Variants in DZIP1 observed in about 807,000 individuals in gnomAD.
The protein encoded by DZIP1 is cilium assembly protein DZIP1.
DZIP1 carries 97 observed loss-of-function variants against 107.6 expected under a neutral mutation model. The ratio of observed to expected loss-of-function variants is 0.90; its 90% CI spans 0.77 to 1.07. DZIP1 has a LOEUF of 1.07. Ranked by LOEUF, DZIP1 falls within the 50% of genes least tolerant of loss-of-function variation. DZIP1 has a pLI of 0.00. For missense variants in DZIP1, 1,035 were observed against 1,063.6 expected (o/e 0.97, Z 0.37); for synonymous variants, 390 against 386.4 (o/e 1.01, Z -0.11).
rs761002263 is a variant in DZIP1, at chr13:95,629,966, T to A, written c.810+23A>T. 19 of 1,576,194 alleles carry A rather than the reference T, an allele frequency of 1.2e-5. No homozygotes were observed. In the East Asian group the frequency reaches 4.3e-4, roughly 36 times the overall value. On this transcript the variant is annotated intron_variant, in intron 7 of 22. Coordinates refer to ENST00000376829, the MANE Select transcript of DZIP1 (RefSeq NM_198968.4). ...TACATACAGTTAATTGTAATTAAAA[T>A]ACCACAGAATTCTGCCTGGTACCTT...
chr13:95,633,165 C>G, intron 6 of DZIP1, 69 bp downstream of exon 6: 1 of 1,407,864 alleles, frequency 7.1e-7, no homozygotes, highest in Non-Finnish European at 1.0e-6. Flanking sequence ...ATGCACTGGA[C>G]CAAGTCTCAT....
chr13:95,588,933 T>G (rs969807286), intron 19 of DZIP1, among the ~76,000 whole-genome samples: 1 of 152,226 alleles, frequency 6.6e-6, no homozygotes, highest in African/African-American at 2.4e-5. Flanking sequence ...GTGTCTTGCT[T>G]CTTAATGGAG....
Position 95,593,877 on chromosome 13 carries a change from A to T in DZIP1, c.1680+67T>A, listed in dbSNP as rs1278392633. 9 of 1,535,698 alleles carry T rather than the reference A, an allele frequency of 5.9e-6. No homozygotes were observed. In the East Asian group the frequency reaches 2.1e-4, roughly 35 times the overall value. On this transcript the variant is annotated intron_variant, in intron 16 of 22. Transcript: ENST00000376829. ...TTGATGTGCTTTCTTCTCTTCCATG[A>T]TCATTTCTAATTTAGAAAACAAAAC...
intron 15 of DZIP1, among the ~76,000 whole-genome samples, chr13:95,595,981 TC>T (rs1273393690): frequency 2.0e-5 from 3 of 152,088 alleles, no homozygotes; most frequent in African/African-American, 7.2e-5. Context: ...ATGACTGAGT[TC>T]CCCAAACTAC....
intron 13 of DZIP1, among the ~76,000 whole-genome samples, chr13:95,607,985 T>C (rs186203130): frequency 6.6e-6 from 1 of 152,350 alleles, no homozygotes; most frequent in African/African-American, 2.4e-5. Context: ...ACTTTCACCT[T>C]GTGATTTACT....
intron 14 of DZIP1, among the ~76,000 whole-genome samples, chr13:95,600,542 T>G (rs1206044305): frequency 2.6e-5 from 4 of 151,416 alleles, no homozygotes; most frequent in Non-Finnish European, 4.4e-5. Context: ...CTATTTCAGA[T>G]AGACAAATGA....
At chr13:95,602,009 T>C (rs1039659351) in intron 14 of DZIP1, among the ~76,000 whole-genome samples, 2 of 152,098 alleles carry the variant, frequency 1.3e-5, no homozygotes, top group African/African-American at 4.8e-5. Flanking sequence ...TGGGGAGCTT[T>C]GGAGACGCTC....
At chr13:95,602,488 G>A (rs758881338) in intron 14 of DZIP1, among the ~76,000 whole-genome samples, 104 of 152,124 alleles carry the variant, frequency 6.8e-4, no homozygotes, top group Middle Eastern at 3.2e-3. Flanking sequence ...GACAGGCTTC[G>A]TTTCTGATTC....
At chr13:95,621,760 C>T (rs1266182734) in intron 9 of DZIP1, among the ~76,000 whole-genome samples, 3 of 149,230 alleles carry the variant, frequency 2.0e-5, no homozygotes, top group Non-Finnish European at 4.4e-5. Context: ...TCTTGTTGCC[C>T]AGACTGGAGT....
At position 95,589,823 on chromosome 13, in the gene DZIP1, A is replaced by T. The variant is rs1465952714; in HGVS notation, c.1953T>A (p.Thr651=). ...RQLIRQKAVS[T]DRTSVPKIKK... is the part of the protein sequence containing the mutation. ...CTCACTTTGGAACAGATGTCCTATC[A>T]GTAGAAACAGCTTTTTGTCTAATCA... The change falls in exon 18 of 23, where the codon ACT becomes ACA. Residue 651 remains threonine (T), a synonymous_variant. Transcript: ENST00000376829. 30 of 1,613,906 alleles carry T rather than the reference A, an allele frequency of 1.9e-5. 1 individual carries two copies. In the Admixed American group the frequency reaches 4.8e-4, roughly 26 times the overall value.
rs992776771 is a variant in DZIP1 at position 95,581,493 on chromosome 13, T to C, written c.*741A>G. On this transcript the variant is annotated 3_prime_UTR_variant, in exon 23 of 23. Transcript: ENST00000376829. ...TATAAAATAACCAACCATTTAATAG[T>C]AACATGCTTACAGTGGCTCAAAGCT... The C allele has an allele frequency of 1.3e-5, 2 of 152,250 alleles. No individual in the cohort carries two copies. Among genetic ancestry groups the C allele is most frequent in the African/African-American group, 4.8e-5 (2 of 41,416 alleles). The allele number at this position is 152,250 out of a possible 1,614,324, so 9.4% of individuals were successfully genotyped here. A position where few individuals can be genotyped will look rare whatever the true frequency, so the allele number is the denominator to read the frequency against.
chr13:95,614,449 G>A (rs563106264), intron 10 of DZIP1, among the ~76,000 whole-genome samples: 6 of 152,202 alleles, frequency 3.9e-5, no homozygotes, highest in South Asian at 2.1e-4. Flanking sequence ...TTAGGATCTC[G>A]GCCTTGATCA....
intron 13 of DZIP1, among the ~76,000 whole-genome samples, chr13:95,608,017 T>C (rs1199760225): frequency 6.6e-6 from 1 of 152,264 alleles, no homozygotes; most frequent in Admixed American, 6.5e-5. Context: ...AACTTTAGAA[T>C]GTATGTTTTC....
intron 15 of DZIP1, among the ~76,000 whole-genome samples, chr13:95,598,678 AATT>A (rs1208309105): frequency 2.0e-5 from 3 of 152,124 alleles, no homozygotes; most frequent in African/African-American, 7.2e-5. Flanking sequence ...AATAGGAAAA[AATT>A]ATGATAGATT....
rs143079896 is a variant in DZIP1 at position 95,640,955 on chromosome 13, C to T, written c.597+340G>A. ...AGACCCTACAAATTTAAACATTCTG[C>T]ATCGTTTGGGGACTGGCTTCAACAG... On this transcript the variant is annotated intron_variant, in intron 5 of 22. Transcript: ENST00000376829. Among the ~76,000 whole-genome samples the T allele has an allele frequency of 2.2e-3, 336 of 152,258 alleles. 5 individuals are homozygous for T. The highest frequency in any genetic ancestry group is 0.01 in the Middle Eastern group (3 of 294).
rs369956524 is a variant in DZIP1, at chr13:95,590,267, T to C, written c.1843+12A>G. On this transcript the variant is annotated intron_variant, in intron 17 of 22. Coordinates refer to ENST00000376829, the MANE Select transcript of DZIP1 (RefSeq NM_198968.4). Reference sequence around the variant, plus strand: ...AAATTAAGCTCCCATTTGCAGTGGGTAACAAGCTTACCTGAAGAGAGTAGT... The same window carrying C: ...AAATTAAGCTCCCATTTGCAGTGGGCAACAAGCTTACCTGAAGAGAGTAGT... 6.3e-7 allele frequency: 1 copy of C among 1,591,422 alleles called. No individual in the cohort carries two copies.
At chr13:95,595,017 CT>C (rs1248906912) in intron 15 of DZIP1, among the ~76,000 whole-genome samples, 1 of 152,214 alleles carries the variant, frequency 6.6e-6, no homozygotes, top group Non-Finnish European at 1.5e-5. Context: ...CCCTTACTGA[CT>C]GTCAAAAGCC....
Position 95,621,665 on chromosome 13 carries a change from AGTGTGTGTGTGTGTGTGTGTGTGT to A in DZIP1, c.1110+654_1110+677del, listed in dbSNP as rs3051402. On this transcript the variant is annotated intron_variant, in intron 9 of 22. Transcript: ENST00000376829. ...ACAGATCATCAGCTGACCAGTTAGC[AGTGTGTGTGTGTGTGTGTGTGTGT>A]GTGTGTGTGTGTGTGTGTGTGTGTG... 1.6e-4 allele frequency among the ~76,000 whole-genome samples: 20 copies of A among 123,418 alleles called. No individual in the cohort carries two copies. The South Asian group carries it at 2.0e-3, about 12-fold the overall frequency. The allele number at this position is 123,418 out of a possible 152,430, so 81.0% of individuals were successfully genotyped here. A position where few individuals can be genotyped will look rare whatever the true frequency, so the allele number is the denominator to read the frequency against.
intron 7 of DZIP1, among the ~76,000 whole-genome samples, 157 bp from the exon 8 acceptor site, chr13:95,625,086 C>CACA (rs1876371817): frequency 6.6e-6 from 1 of 152,150 alleles, no homozygotes; most frequent in South Asian, 2.1e-4. Context: ...CAGGTCTGTG[C>CACA]ACAATGATTT....
Sources: allele counts gnomAD v4.1 joint callset (sites outside exome capture counted in the v4.1 genomes callset), GRCh38; gene constraint gnomAD v4.1.1; transcripts MANE v1.5; gene names NCBI Gene and HGNC (gene_info 2026-07-23, HGNC 2026-07-21).